Variants in ATP8B4 observed in about 807,000 individuals in gnomAD.
ATP8B4 encodes ATPase phospholipid transporting 8B4 (putative), also known as probable phospholipid-transporting ATPase IM.
Under a neutral mutation model 145.6 loss-of-function variants are expected in ATP8B4, and 133 were observed. The ratio of observed to expected loss-of-function variants is 0.91; its 90% CI spans 0.79 to 1.05. The LOEUF (loss-of-function observed/expected upper bound fraction) is 1.05, where lower values mean the gene tolerates loss of function less well. Among genes scored for constraint, ATP8B4 ranks in the 50% least tolerant of loss-of-function variants. ATP8B4 has a pLI of 0.00. For synonymous variants in ATP8B4, 507 were observed against 492.9 expected, an observed-to-expected ratio of 1.03 and a Z score of -0.38; for missense variants, 1,458 against 1,425.2, an observed-to-expected ratio of 1.02 and a Z score of -0.37.
At chr15:50,140,146 T>C (rs2044187608) in intron 1 of ATP8B4, among the ~76,000 whole-genome samples, 1 of 152,016 alleles carries the variant, frequency 6.6e-6, no homozygotes, top group South Asian at 2.1e-4. Context: ...AAAAAACAAA[T>C]GCTTGTACCC....
In ATP8B4 at chr15:49,862,319, T is replaced by C. The variant is rs1358492829; in HGVS notation, c.3223A>G (p.Thr1075Ala). 1.2e-6 allele frequency: 2 copies of C among 1,613,880 alleles called. No homozygotes were observed. The highest frequency in any genetic ancestry group is 2.2e-5 in the East Asian group (1 of 44,832). The change falls in exon 27 of 28, where the codon ACA (threonine) becomes GCA (alanine). Residue 1075 changes from threonine (T) to alanine (A), a missense_variant. Transcript: ENST00000284509. ...ACCACTGGCATAACTGAAGCCACTG[T>C]TGTTAAGAGAATTACAAGCCAGATG... The part of the protein sequence containing the change: ...KCIWLVILLT[T>A]VASVMPVVAF...
At chr15:49,981,321 C>A in intron 10 of ATP8B4, 27 bp from the exon 11 acceptor site, 1 of 1,504,068 alleles carries the variant, frequency 6.6e-7, no homozygotes, top group Non-Finnish European at 9.1e-7. Flanking sequence ...AAGTAAATAA[C>A]TTTGAAATGA....
chr15:50,120,470 T>C (rs940403530), upstream of ATP8B4, among the ~76,000 whole-genome samples: 3 of 152,198 alleles, frequency 2.0e-5, no homozygotes, highest in African/African-American at 7.2e-5. Context: ...AAATATAAGT[T>C]TGGTAATTCC....
chr15:50,056,598 T>C (rs2052614677), intron 3 of ATP8B4, among the ~76,000 whole-genome samples: 1 of 151,930 alleles, frequency 6.6e-6, no homozygotes, highest in Non-Finnish European at 1.5e-5. Flanking sequence ...AAAGAATCCT[T>C]TGGGCTATGA....
chr15:50,029,255 A>AAAAAAAAAAAAAAC (rs776952913), intron 6 of ATP8B4, among the ~76,000 whole-genome samples: 23 of 141,240 alleles, frequency 1.6e-4, no homozygotes, highest in African/African-American at 3.8e-4. Context: ...AAAAAAAAAA[A>AAAAAAAAAAAAAAC]AACAGAAAAA....
intron 6 of ATP8B4, among the ~76,000 whole-genome samples, chr15:50,020,305 GC>G (rs2049445159): frequency 6.8e-6 from 1 of 146,894 alleles, no homozygotes; most frequent in Non-Finnish European, 1.5e-5. Context: ...TTTTCTTGTT[GC>G]CCGGGCAGGA....
intron 13 of ATP8B4, among the ~76,000 whole-genome samples, chr15:49,965,121 C>G (rs1444970344): frequency 1.3e-5 from 2 of 152,050 alleles, no homozygotes; most frequent in Non-Finnish European, 2.9e-5. Flanking sequence ...TTGTGGAAGT[C>G]CAGGTTGGAA....
At chr15:50,110,430 C>T (rs1310993327) in intron 1 of ATP8B4, among the ~76,000 whole-genome samples, 1 of 152,192 alleles carries the variant, frequency 6.6e-6, no homozygotes, top group African/African-American at 2.4e-5. Flanking sequence ...CACTGACACT[C>T]GCTCCACCTC....
rs757787312 is a variant in ATP8B4 at position 49,996,688 on chromosome 15, G to GC, written c.577dup (p.Ala193GlyfsTer4). On this transcript the variant is annotated frameshift_variant, in exon 9 of 28. Transcript: ENST00000284509. LOFTEE classifies it high-confidence loss of function. ...TTTAAAATACTTACCATCAAACCCT[G>GC]CAAGTCTGCTGATATCTGCTCCAAG... 7.5e-6 allele frequency: 12 copies of GC among 1,605,858 alleles called. No homozygotes were observed. The Admixed American group carries it at 2.0e-4, about 27-fold the overall frequency.
At chr15:49,968,888 A>C (rs1567104133) in intron 13 of ATP8B4, among the ~76,000 whole-genome samples, 1 of 152,220 alleles carries the variant, frequency 6.6e-6, no homozygotes, top group Non-Finnish European at 1.5e-5. Flanking sequence ...AACACTCCTC[A>C]GCAAATGCAA....
intron 1 of ATP8B4, among the ~76,000 whole-genome samples, chr15:50,179,755 G>A (rs1412795504): frequency 2.6e-5 from 4 of 152,204 alleles, no homozygotes; most frequent in Non-Finnish European, 4.4e-5. Flanking sequence ...CCATCTGTGA[G>A]AAAGTAGCCC....
chr15:50,119,123 C>T lies in ATP8B4; in HGVS notation c.-43G>A, dbSNP rs907057625. The T allele has an allele frequency of 1.3e-5, 2 of 152,226 alleles. No homozygotes were observed. The allele number at this position is 152,226 out of a possible 1,614,324, so 9.4% of individuals were successfully genotyped here. On this transcript the variant is annotated splice_region_variant and 5_prime_UTR_variant, in exon 1 of 28. Transcript: ENST00000284509. ...CATTGAATGCTACCCATCTACTCAC[C>T]TCAACCCAGACTTAATCCTCTCCCC...
At chr15:50,124,712 C>T (rs2057296113) in intron 1 of ATP8B4, among the ~76,000 whole-genome samples, 1 of 152,154 alleles carries the variant, frequency 6.6e-6, no homozygotes, top group African/African-American at 2.4e-5. Flanking sequence ...CCTGAATATC[C>T]CTTTCAGTGC....
chr15:50,090,393 T>C (rs2055529711), intron 2 of ATP8B4, among the ~76,000 whole-genome samples: 2 of 152,178 alleles, frequency 1.3e-5, no homozygotes, highest in Admixed American at 6.5e-5. Flanking sequence ...TCTAATTCCC[T>C]ATGTGATGCA....
At chr15:50,030,441 G>A (rs192910961) in intron 6 of ATP8B4, among the ~76,000 whole-genome samples, 299 of 152,248 alleles carry the variant, frequency 2.0e-3, no homozygotes, top group Admixed American at 5.8e-3. Context: ...TAATAGGGGG[G>A]AGATCAATTT....
chr15:49,890,417 G>A (rs1265963078), intron 23 of ATP8B4, among the ~76,000 whole-genome samples: 1 of 152,178 alleles, frequency 6.6e-6, no homozygotes, highest in African/African-American at 2.4e-5. Context: ...CAGTTTAGGA[G>A]AGGGGTGGCA....
intron 14 of ATP8B4, among the ~76,000 whole-genome samples, chr15:49,944,514 G>A (rs1021113486): frequency 1.3e-5 from 2 of 152,154 alleles, no homozygotes; most frequent in African/African-American, 2.4e-5. Flanking sequence ...CCAGGATGAT[G>A]TAGCAATTAT....
rs374525582 is a variant in ATP8B4 at position 50,072,980 on chromosome 15, C to CTA, written c.87+1145_87+1146dup. Among the ~76,000 whole-genome samples the CTA allele has an allele frequency of 6.4e-3, 146 of 22,806 alleles. 2 individuals are homozygous for CTA. The highest frequency in any genetic ancestry group is 8.5e-3 in the South Asian group (4 of 470). 15.0% of individuals were successfully genotyped at this position (22,806 alleles called of 152,430 possible). ...TCTCTCTCTCTCTCTCTCTCTCTCT[C>CTA]TATATATATATATATATATATATAT... On this transcript the variant is annotated intron_variant, in intron 3 of 27. Transcript: ENST00000284509.
At position 49,876,392 on chromosome 15, in the gene ATP8B4, G is replaced by A. The variant is rs765710870; in HGVS notation, c.2913C>T (p.Phe971=). Residue 971 remains phenylalanine (F), a synonymous_variant, in exon 25 of 28, where the codon TTC becomes TTT. Transcript: ENST00000284509. ...HGIYTSLVLF[F]IPYGAFYNVA... ...CGTTGTAAAAGGCCCCATAGGGGAT[G>A]AAGAAAAGGACTAATGAGGTGTAGA... 1.2e-6 allele frequency: 2 copies of A among 1,614,132 alleles called. No individual in the cohort carries two copies. Among genetic ancestry groups the A allele is most frequent in the Non-Finnish European group, 1.7e-6 (2 of 1,179,986 alleles).
Sources: gnomAD v4.1 joint callset for allele counts (sites outside exome capture counted in the v4.1 genomes callset) on GRCh38, gnomAD v4.1.1 for gene constraint, MANE v1.5 for transcripts, NCBI Gene and HGNC (gene_info 2026-07-23, HGNC 2026-07-21) for gene names.